The following MACROD2 variants were observed in gnomAD, a reference collection of about 807,000 sequenced individuals.
MACROD2 encodes ADP-ribose glycohydrolase MACROD2.
Under a neutral mutation model 70.4 loss-of-function variants are expected in MACROD2, and 36 were observed. The ratio of observed to expected loss-of-function variants is 0.51; its 90% CI spans 0.39 to 0.68. MACROD2 has a LOEUF of 0.68. Ranked by LOEUF, MACROD2 falls within the 30% of genes least tolerant of loss-of-function variation. The pLI is 0.00. For synonymous variants in MACROD2, 172 were observed against 178.8 expected (o/e 0.96, Z 0.30); for missense variants, 496 against 538.4 (o/e 0.92, Z 0.78).
chr20:14,320,974 C>A (rs1361116297), intron 3 of MACROD2, among the ~76,000 whole-genome samples: 1 of 152,144 alleles, frequency 6.6e-6, no homozygotes, highest in Admixed American at 6.6e-5. Context: ...GTAGTTGTTT[C>A]TTCCTTTTTA....
At chr20:13,998,848 G>T (rs972593638) in intron 1 of MACROD2, among the ~76,000 whole-genome samples, 2 of 151,792 alleles carry the variant, frequency 1.3e-5, no homozygotes, top group African/African-American at 4.8e-5. Flanking sequence ...CCAGCTACTC[G>T]GGAGGCTGAG....
At chr20:15,616,051 C>T (rs1016929953) in intron 8 of MACROD2, among the ~76,000 whole-genome samples, 10 of 151,062 alleles carry the variant, frequency 6.6e-5, no homozygotes, top group Non-Finnish European at 1.3e-4. Context: ...CCTAGGTATA[C>T]ACCCCTGGTG....
intron 8 of MACROD2, among the ~76,000 whole-genome samples, chr20:15,768,042 A>G (rs1232213903): frequency 6.6e-6 from 1 of 152,094 alleles, no homozygotes; most frequent in East Asian, 1.9e-4. Flanking sequence ...TTGCAAAAAA[A>G]AAATAGGCAA....
chr20:15,664,377 A>C (rs540313222), intron 8 of MACROD2, among the ~76,000 whole-genome samples: 1 of 152,364 alleles, frequency 6.6e-6, no homozygotes, highest in Non-Finnish European at 1.5e-5. Context: ...ATGTAGTTTA[A>C]GCAGCATAAA....
chr20:15,172,980 A>G (rs1243171891), intron 5 of MACROD2, among the ~76,000 whole-genome samples: 2 of 152,228 alleles, frequency 1.3e-5, no homozygotes, highest in Admixed American at 1.3e-4. Flanking sequence ...AAACCATTCA[A>G]AATGAACAGA....
intron 5 of MACROD2, among the ~76,000 whole-genome samples, chr20:14,771,644 T>TACACAC (rs745602537): frequency 7.6e-4 from 108 of 141,754 alleles, no homozygotes; most frequent in African/African-American, 2.4e-3. Flanking sequence ...TATCCAAAAA[T>TACACAC]ACACACACAC....
At chr20:14,597,759 A>G (rs1216498995) in intron 4 of MACROD2, among the ~76,000 whole-genome samples, 1 of 152,080 alleles carries the variant, frequency 6.6e-6, no homozygotes, top group Non-Finnish European at 1.5e-5. Flanking sequence ...AAAGTCTCCT[A>G]ATATTGTTCT....
chr20:15,212,179 CTTT>C (rs1010648737), intron 5 of MACROD2, among the ~76,000 whole-genome samples: 1 of 152,214 alleles, frequency 6.6e-6, no homozygotes, highest in Non-Finnish European at 1.5e-5. Context: ...TCAAACCCTT[CTTT>C]GACTCCTCCT....
chr20:14,369,327 C>T (rs1177810826), intron 3 of MACROD2, among the ~76,000 whole-genome samples: 1 of 152,210 alleles, frequency 6.6e-6, no homozygotes, highest in Non-Finnish European at 1.5e-5. Context: ...TTGCTTCCTC[C>T]AGAACCAAGG....
At chr20:14,502,657 T>G (rs1056631922) in intron 4 of MACROD2, among the ~76,000 whole-genome samples, 4 of 152,134 alleles carry the variant, frequency 2.6e-5, no homozygotes, top group African/African-American at 9.7e-5. Flanking sequence ...ATAGTGCAAA[T>G]CTGAAAGATG....
intron 6 of MACROD2, among the ~76,000 whole-genome samples, chr20:15,285,513 T>C (rs1459530587): frequency 6.6e-6 from 1 of 152,216 alleles, no homozygotes; most frequent in East Asian, 1.9e-4. Flanking sequence ...GCAATGTATT[T>C]AAATTTTTGA....
At position 15,076,151 on chromosome 20, in the gene MACROD2, G is replaced by A. The variant is rs557793996; in HGVS notation, c.419-153789G>A. Among the ~76,000 whole-genome samples, 5 of 152,078 alleles carry A rather than the reference G, an allele frequency of 3.3e-5. No individual in the cohort carries two copies. The South Asian group carries it at 1.0e-3, about 32-fold the overall frequency. ...GTTATGATACTGCCTATACAATTTT[G>A]TGTTCCACTTGCTTTCCTTACCATT... is the stretch of plus-strand genomic sequence containing the variant. On this transcript the variant is annotated intron_variant, in intron 5 of 17. Transcript: ENST00000684519.
chr20:15,733,915 G>A (rs1295305508), intron 8 of MACROD2, among the ~76,000 whole-genome samples: 3 of 152,210 alleles, frequency 2.0e-5, no homozygotes, highest in Non-Finnish European at 2.9e-5. Flanking sequence ...TCATTAGGAT[G>A]ATGAACAGGA....
intron 5 of MACROD2, among the ~76,000 whole-genome samples, chr20:14,977,475 A>ACACACACG (rs923601468): frequency 6.6e-6 from 1 of 151,290 alleles, no homozygotes; most frequent in African/African-American, 2.4e-5. Flanking sequence ...ACACACACAC[A>ACACACACG]CACACACACA....
At chr20:14,190,068 G>T (rs2081372544) in intron 3 of MACROD2, among the ~76,000 whole-genome samples, 1 of 152,138 alleles carries the variant, frequency 6.6e-6, no homozygotes, top group Non-Finnish European at 1.5e-5. Context: ...GGCTCTTGAG[G>T]TGACAAAAAG....
intron 5 of MACROD2, among the ~76,000 whole-genome samples, chr20:14,782,840 G>C (rs923508654): frequency 9.9e-5 from 15 of 152,034 alleles, no homozygotes; most frequent in Admixed American, 2.0e-4. Context: ...CCCCTAAAAA[G>C]AACATGCCGC....
intron 4 of MACROD2, among the ~76,000 whole-genome samples, chr20:14,616,583 A>T (rs1983493876): frequency 6.6e-6 from 1 of 152,154 alleles, no homozygotes; most frequent in African/African-American, 2.4e-5. Context: ...GGATTTGAAC[A>T]AAGTGGAAAA....
At chr20:16,026,487 C>A (rs746229463) in intron 15 of MACROD2, among the ~76,000 whole-genome samples, 4 of 152,180 alleles carry the variant, frequency 2.6e-5, no homozygotes, top group Non-Finnish European at 4.4e-5. Context: ...ACCAGGCAGG[C>A]CTGTGAAAGA....
In MACROD2 at chr20:15,047,109, T is replaced by C. The variant is rs541607973; in HGVS notation, c.419-182831T>C. Among the ~76,000 whole-genome samples, 3 of 152,348 alleles carry C rather than the reference T, an allele frequency of 2.0e-5. No homozygotes were observed. The East Asian group carries it at 5.8e-4, about 29-fold the overall frequency. ...AGCCCAAGCATGATATTTAATGTAA[T>C]TGATGTCTCTTATTTACTAATGGAT... On this transcript the variant is annotated intron_variant, in intron 5 of 17. Transcript: ENST00000684519.
Sources: allele counts gnomAD v4.1 joint callset (sites outside exome capture counted in the v4.1 genomes callset), GRCh38; gene constraint gnomAD v4.1.1; transcripts MANE v1.5; gene names NCBI Gene and HGNC (gene_info 2026-07-23, HGNC 2026-07-21).